SPRY3: variants seen among roughly 807,000 people sequenced by gnomAD.
The protein encoded by SPRY3 is protein sprouty homolog 3.
SPRY3 carries 15 observed loss-of-function variants against 20.2 expected under a neutral mutation model. The ratio of observed to expected loss-of-function variants is 0.74; its 90% CI spans 0.50 to 1.14. The LOEUF (loss-of-function observed/expected upper bound fraction) is 1.14, where lower values mean the gene tolerates loss of function less well. Ranked by LOEUF, SPRY3 falls within the 50% of genes most tolerant of loss-of-function variation. SPRY3 has a pLI of 0.00. For missense variants in SPRY3, 364 were observed against 363.9 expected, an observed-to-expected ratio of 1.00 and a Z score of 0.00; for synonymous variants, 143 against 136.5, an observed-to-expected ratio of 1.05 and a Z score of -0.33.
intron 2 of SPRY3, among the ~76,000 whole-genome samples, chrX:155,697,164 G>A (rs1304110713): frequency 1.8e-5 from 2 of 111,202 alleles, no homozygotes; most frequent in African/African-American, 6.5e-5. Context: ...TTCGACATGA[G>A]GTTAGCATTA....
chrX:155,719,975 A>G lies in SPRY3; in HGVS notation c.-281-47987A>G, dbSNP rs184383642. Among the ~76,000 whole-genome samples the G allele has an allele frequency of 3.8e-3, 583 of 152,188 alleles. 1 individual carries two copies. The highest frequency in any genetic ancestry group is 0.013 in the African/African-American group (551 of 41,520). On this transcript the variant is annotated intron_variant, in intron 2 of 3. Coordinates refer to ENST00000675360, the Ensembl canonical transcript of SPRY3. ...GTACCAGCTCAGCCACAAGGGGGTG[A>G]AGCACCAAATGGGCTCTTGGAGTCC...
chrX:155,757,241 G>A (rs1423582936), intron 2 of SPRY3, among the ~76,000 whole-genome samples: 2 of 151,962 alleles, frequency 1.3e-5, no homozygotes, highest in Non-Finnish European at 2.9e-5. Context: ...AGGCATAGGC[G>A]TGCTGATCTC....
At chrX:155,719,093 C>A (rs306935) in intron 2 of SPRY3, among the ~76,000 whole-genome samples, 15,313 of 152,108 alleles carry the variant, frequency 0.1, 9 homozygotes, top group South Asian at 0.18. Flanking sequence ...TGCCACCACC[C>A]CCACAATGTG....
At chrX:155,652,132 C>T (rs1235465309) in intron 1 of SPRY3, among the ~76,000 whole-genome samples, 1 of 111,123 alleles carries the variant, frequency 9.0e-6, no homozygotes, top group African/African-American at 3.3e-5. Flanking sequence ...GGAAATCTGC[C>T]CCCATGATCC....
At chrX:155,641,589 C>A (rs921517876) in intron 1 of SPRY3, among the ~76,000 whole-genome samples, 403 of 114,644 alleles carry the variant, frequency 3.5e-3, no homozygotes, top group African/African-American at 0.012. Flanking sequence ...CCCTTTAAAC[C>A]CTTTAAGGCG....
At chrX:155,775,171 T>G (rs2091416307) in exon 4 of SPRY3, 1 of 210,148 alleles carries the variant, frequency 4.8e-6, no homozygotes, top group Admixed American at 5.2e-5. Flanking sequence ...GGAACAGCGT[T>G]CAACCTTCCA....
At chrX:155,680,088 G>C in intron 2 of SPRY3, among the ~76,000 whole-genome samples, 1 of 103,635 alleles carries the variant, frequency 9.6e-6, no homozygotes, top group East Asian at 3.2e-4. Flanking sequence ...TTTAAACATG[G>C]GACTTTATAT....
At chrX:155,781,923 A>G (rs2091465423) in exon 2 of SPRY3, 1 of 167,070 alleles carries the variant, frequency 6.0e-6, no homozygotes. Flanking sequence ...GCAGTTGAGG[A>G]AAAAGGTCAT....
At chrX:155,629,315 G>A (rs782011862) in intron 1 of SPRY3, among the ~76,000 whole-genome samples, 8 of 110,093 alleles carry the variant, frequency 7.3e-5, no homozygotes, top group African/African-American at 2.6e-4. Context: ...CTCCATCCAT[G>A]TCGCCACAAA....
chrX:155,630,489 C>G (rs1190407855), intron 1 of SPRY3, among the ~76,000 whole-genome samples: 1 of 111,558 alleles, frequency 9.0e-6, no homozygotes, highest in African/African-American at 3.3e-5. Flanking sequence ...GATAGTTTTG[C>G]TGGTATAGTA....
chrX:155,741,114 A>G (rs2091202649), intron 2 of SPRY3, among the ~76,000 whole-genome samples: 1 of 152,230 alleles, frequency 6.6e-6, no homozygotes, highest in Non-Finnish European at 1.5e-5. Context: ...AAACAATGAT[A>G]CAGGAGCTGA....
At chrX:155,670,851 G>T (rs1557354682) in intron 2 of SPRY3, among the ~76,000 whole-genome samples, 2 of 111,782 alleles carry the variant, frequency 1.8e-5, no homozygotes, top group African/African-American at 6.5e-5. Flanking sequence ...TTATTGCAAT[G>T]TTCTTCCCAT....
At chrX:155,631,723 T>A (rs1285132811) in intron 1 of SPRY3, among the ~76,000 whole-genome samples, 1 of 112,315 alleles carries the variant, frequency 8.9e-6, no homozygotes, top group African/African-American at 3.2e-5. Flanking sequence ...TTCTCTCTAT[T>A]GCATTTTTTA....
intron 2 of SPRY3, among the ~76,000 whole-genome samples, chrX:155,767,212 C>G (rs1210453269): frequency 6.6e-6 from 1 of 151,830 alleles, no homozygotes; most frequent in Non-Finnish European, 1.5e-5. Context: ...TCCGGGAAAG[C>G]CAACGACACG....
chrX:155,779,002 T>G, downstream of SPRY3: 1 of 167,200 alleles, frequency 6.0e-6, no homozygotes. Context: ...GTCACTGAGT[T>G]GGCCACAGTC....
chrX:155,627,417 T>C (rs2067891770), intron 1 of SPRY3, among the ~76,000 whole-genome samples: 1 of 112,067 alleles, frequency 8.9e-6, no homozygotes, highest in Admixed American at 9.5e-5. Context: ...TCCTTTTTTA[T>C]GGCTAAATAA....
intron 1 of SPRY3, among the ~76,000 whole-genome samples, chrX:155,620,048 G>A (rs2067866235): frequency 8.9e-6 from 1 of 111,908 alleles, no homozygotes; most frequent in South Asian, 3.6e-4. Flanking sequence ...TGTTGATGAT[G>A]ATGTGGAGCA....
intron 2 of SPRY3, among the ~76,000 whole-genome samples, chrX:155,753,716 G>A (rs1468131769): frequency 6.6e-6 from 1 of 152,094 alleles, no homozygotes; most frequent in East Asian, 1.9e-4. Context: ...CACCAGCAGT[G>A]TATGAGGCTT....
intron 3 of SPRY3, among the ~76,000 whole-genome samples, chrX:155,770,658 T>TTTGA (rs1452394965): frequency 7.7e-6 from 1 of 130,288 alleles, no homozygotes; most frequent in Admixed American, 7.8e-5. Context: ...CTCTCTCTCA[T>TTTGA]TTGATAGACT....
Sources: allele counts gnomAD v4.1 joint callset (sites outside exome capture counted in the v4.1 genomes callset), GRCh38; gene constraint gnomAD v4.1.1; transcripts MANE v1.5; gene names NCBI Gene and HGNC (gene_info 2026-07-23, HGNC 2026-07-21).